The following LTBP1 variants were observed in gnomAD, a reference collection of about 807,000 sequenced individuals.
LTBP1 encodes the protein latent transforming growth factor beta binding protein 1, also known as latent-transforming growth factor beta-binding protein 1.
Under a neutral mutation model 207.6 loss-of-function variants are expected in LTBP1, and 129 were observed. The ratio of observed to expected loss-of-function variants is 0.62; its 90% CI spans 0.54 to 0.72. LTBP1 has a LOEUF of 0.72. Among genes scored for constraint, LTBP1 ranks in the 30% least tolerant of loss-of-function variants. LTBP1 has a pLI of 0.00. For synonymous variants in LTBP1, 963 were observed against 833.7 expected (o/e 1.16, Z -2.67); for missense variants, 2,281 against 2,217.2 (o/e 1.03, Z -0.58).
At chr2:33,347,775 A>T (rs1281355270) in intron 26 of LTBP1, among the ~76,000 whole-genome samples, 2 of 152,220 alleles carry the variant, frequency 1.3e-5, no homozygotes, top group Non-Finnish European at 2.9e-5. Flanking sequence ...CAAAATGATG[A>T]GGACATTTGC....
At chr2:33,247,979 T>G (rs1285571201) in intron 10 of LTBP1, among the ~76,000 whole-genome samples, 2 of 152,276 alleles carry the variant, frequency 1.3e-5, no homozygotes, top group Non-Finnish European at 2.9e-5. Flanking sequence ...TGTGTCATCT[T>G]GGACTCTTTT....
intron 16 of LTBP1, among the ~76,000 whole-genome samples, chr2:33,274,528 T>C (rs1237722554): frequency 1.3e-5 from 2 of 152,210 alleles, no homozygotes; most frequent in Admixed American, 6.5e-5. Context: ...GTATACATTA[T>C]ATGTGTCACT....
At chr2:33,032,556 A>G (rs2075739515) in intron 3 of LTBP1, among the ~76,000 whole-genome samples, 1 of 152,162 alleles carries the variant, frequency 6.6e-6, no homozygotes, top group African/African-American at 2.4e-5. Flanking sequence ...CTGGAAAGGA[A>G]CCTTGGGTAA....
chr2:33,057,130 T>C (rs757597291), intron 3 of LTBP1, among the ~76,000 whole-genome samples: 13 of 146,968 alleles, frequency 8.8e-5, no homozygotes, highest in Non-Finnish European at 1.7e-4. Context: ...AGAGTGCTGA[T>C]TGGTGTATTC....
At chr2:33,387,950 C>T (rs1438961810) in intron 31 of LTBP1, among the ~76,000 whole-genome samples, 1 of 152,222 alleles carries the variant, frequency 6.6e-6, no homozygotes, top group Non-Finnish European at 1.5e-5. Context: ...AGCCTGCCTG[C>T]ACCTCACAGT....
rs1007676476 is a variant in LTBP1 at position 33,100,476 on chromosome 2, C to CT, written c.864-10095dup. Among the ~76,000 whole-genome samples the CT allele has an allele frequency of 7.2e-3, 1,044 of 145,950 alleles. 9 individuals are homozygous for CT. The highest frequency in any genetic ancestry group is 0.018 in the African/African-American group (708 of 39,888). ...TTCCCTCATTCACTGTGGTACCTGA[C>CT]TTTTTTTTTTTCAAGGAATCTAGGG... is the stretch of plus-strand genomic sequence containing the variant. On this transcript the variant is annotated intron_variant, in intron 3 of 33. Transcript: ENST00000404816.
intron 28 of LTBP1, among the ~76,000 whole-genome samples, chr2:33,362,705 C>T (rs1300203232): frequency 6.6e-6 from 1 of 152,134 alleles, no homozygotes; most frequent in South Asian, 2.1e-4. Context: ...GACCTTAGCT[C>T]TAAAATGCTA....
At chr2:33,103,936 A>G (rs1306567513) in intron 3 of LTBP1, among the ~76,000 whole-genome samples, 2 of 151,168 alleles carry the variant, frequency 1.3e-5, no homozygotes, top group Admixed American at 6.6e-5. Flanking sequence ...GCTTTTTCTT[A>G]CTCCTGATTA....
intron 19 of LTBP1, among the ~76,000 whole-genome samples, chr2:33,280,795 A>C (rs369161013): frequency 6.6e-6 from 1 of 152,172 alleles, no homozygotes; most frequent in Non-Finnish European, 1.5e-5. Context: ...TAGGCTATGC[A>C]TGGTGGCTCA....
chr2:33,357,858 C>T (rs1034848270), intron 26 of LTBP1, among the ~76,000 whole-genome samples: 4 of 152,118 alleles, frequency 2.6e-5, no homozygotes, highest in African/African-American at 7.2e-5. Flanking sequence ...TTTTTTAGTG[C>T]TTGCCACTTT....
At chr2:33,360,515 T>C in intron 26 of LTBP1, 82 bp from the exon 27 acceptor site, 1 of 852,316 alleles carries the variant, frequency 1.2e-6, no homozygotes, top group Non-Finnish European at 1.9e-6. Context: ...CGGTCACTCT[T>C]TCCCCCATTG....
intron 24 of LTBP1, among the ~76,000 whole-genome samples, chr2:33,340,935 A>G (rs2094611482): frequency 6.6e-6 from 1 of 152,228 alleles, no homozygotes; most frequent in African/African-American, 2.4e-5. Context: ...GCAGTGATAC[A>G]AAAAGTTTAA....
intron 3 of LTBP1, among the ~76,000 whole-genome samples, chr2:33,082,430 C>CA (rs1442398098): frequency 2.6e-5 from 3 of 115,672 alleles, no homozygotes; most frequent in South Asian, 2.9e-4. Context: ...AAGTATGACT[C>CA]ACTTTTTTTT....
intron 9 of LTBP1, among the ~76,000 whole-genome samples, chr2:33,242,983 C>T (rs2092386851): frequency 6.6e-6 from 1 of 151,674 alleles, no homozygotes; most frequent in Admixed American, 6.6e-5. Flanking sequence ...CCTGAATCTT[C>T]TTTTCCAGCC....
At chr2:33,321,066 C>T (rs369328117) in intron 24 of LTBP1, among the ~76,000 whole-genome samples, 5 of 152,020 alleles carry the variant, frequency 3.3e-5, no homozygotes, top group East Asian at 3.9e-4. Context: ...TATTATTTCT[C>T]ACTTTTCAAA....
intron 32 of LTBP1, among the ~76,000 whole-genome samples, chr2:33,395,985 G>A (rs771616673): frequency 1.3e-5 from 2 of 151,538 alleles, no homozygotes; most frequent in Admixed American, 6.6e-5. Context: ...CAGTGTGTTG[G>A]GTCACTGTGG....
intron 9 of LTBP1, among the ~76,000 whole-genome samples, chr2:33,236,827 G>A (rs1270460408): frequency 2.0e-5 from 3 of 152,310 alleles, no homozygotes; most frequent in Middle Eastern, 3.4e-3. Context: ...TGCTAGCAGC[G>A]TCGTCCATGT....
chr2:33,074,734 G>C (rs558738728), intron 3 of LTBP1, among the ~76,000 whole-genome samples: 1 of 152,204 alleles, frequency 6.6e-6, no homozygotes, highest in African/African-American at 2.4e-5. Context: ...GCCAGGCATG[G>C]TGGCAGTCGC....
chr2:33,356,718 A>G lies in LTBP1; in HGVS notation c.4001-3879A>G, dbSNP rs368860240. 5.3e-5 allele frequency among the ~76,000 whole-genome samples: 8 copies of G among 152,262 alleles called. No individual in the cohort carries two copies. In the East Asian group the frequency reaches 5.8e-4, roughly 11 times the overall value. On this transcript the variant is annotated intron_variant, in intron 26 of 33. Coordinates refer to ENST00000404816, the MANE Select transcript of LTBP1 (RefSeq NM_206943.4). ...TGTGTGAGAAAACTCGAAACAAGGC[A>G]TATGAATTTCTAAGTTTTCCTTGAC...
Sources: allele counts gnomAD v4.1 joint callset (sites outside exome capture counted in the v4.1 genomes callset), GRCh38; gene constraint gnomAD v4.1.1; transcripts MANE v1.5; gene names NCBI Gene and HGNC (gene_info 2026-07-23, HGNC 2026-07-21).